Variants in SFXN3 observed in about 807,000 individuals in gnomAD.
SFXN3 encodes sideroflexin 3, also known as sideroflexin-3.
SFXN3 carries 31 observed loss-of-function variants against 40.4 expected under a neutral mutation model. The observed-to-expected ratio is 0.77, with a 90% CI of 0.58 to 1.04. The LOEUF (loss-of-function observed/expected upper bound fraction) is 1.04, where lower values mean the gene tolerates loss of function less well. Ranked by LOEUF, SFXN3 falls within the 50% of genes least tolerant of loss-of-function variation. SFXN3 has a pLI of 0.00. For synonymous variants in SFXN3, 157 were observed against 160.0 expected (o/e 0.98, Z 0.14); for missense variants, 366 against 408.2 (o/e 0.90, Z 0.89).
At position 101,032,343 on chromosome 10, in the gene SFXN3, G is replaced by C; in HGVS notation, c.-143G>C. On this transcript the variant is annotated 5_prime_UTR_variant, in exon 2 of 12. Transcript: ENST00000393459. ...TGCCAATCCCCGTGCCCACCGGGTGGGCGCGGCCGGGAAGCTCCTGCCCCT... is the reference window on the plus strand; with the variant it reads ...TGCCAATCCCCGTGCCCACCGGGTGCGCGCGGCCGGGAAGCTCCTGCCCCT... The C allele has an allele frequency of 2.6e-6, 3 of 1,154,816 alleles. No homozygotes were observed. In the South Asian group the frequency reaches 5.2e-5, roughly 20 times the overall value. The allele number at this position is 1,154,816 out of a possible 1,614,324, so 71.5% of individuals were successfully genotyped here.
chr10:101,033,658 T>C (rs1214352451), intron 2 of SFXN3, among the ~76,000 whole-genome samples: 2 of 152,294 alleles, frequency 1.3e-5, no homozygotes, highest in African/African-American at 4.8e-5. Flanking sequence ...GGGACCGGCG[T>C]TCAGCATACC....
chr10:101,037,565 C>G lies in SFXN3; in HGVS notation c.771+134C>G, dbSNP rs143104979. The G allele has an allele frequency of 4.4e-6, 7 of 1,574,414 alleles. No homozygotes were observed. The East Asian group carries it at 1.6e-4, about 36-fold the overall frequency. On this transcript the variant is annotated intron_variant, in intron 9 of 11. Transcript: ENST00000393459. ...TCTCCTGACCCCTGCACCGCCTCCTCCACCTTCGTTCATTCAGCAAGAATG... is the reference window on the plus strand; with the variant it reads ...TCTCCTGACCCCTGCACCGCCTCCTGCACCTTCGTTCATTCAGCAAGAATG...
At position 101,036,249 on chromosome 10, in the gene SFXN3, C is replaced by A; in HGVS notation, c.431+148C>A. The A allele has an allele frequency of 1.3e-6, 1 of 775,058 alleles. No homozygotes were observed. The highest frequency in any genetic ancestry group is 2.1e-6 in the Non-Finnish European group (1 of 466,570). The allele number at this position is 775,058 out of a possible 1,614,324, so 48.0% of individuals were successfully genotyped here. ...CCTCAGCCTGCCCCACCCCGAATTA[C>A]CCTGCCTAACTGAAGGCATGAGGTC... On this transcript the variant is annotated intron_variant, in intron 5 of 11. Transcript: ENST00000393459. The surrounding 1 kb of genome is among the most constrained non-coding windows in gnomAD (Gnocchi z 4.2).
chr10:101,039,653 T>C lies in SFXN3; in HGVS notation c.*68T>C, dbSNP rs1938806656. 1 of 1,472,070 alleles carries C rather than the reference T, an allele frequency of 6.8e-7. No homozygotes were observed. The highest frequency in any genetic ancestry group is 9.5e-7 in the Non-Finnish European group (1 of 1,051,528). The allele number at this position is 1,472,070 out of a possible 1,614,324, so 91.2% of individuals were successfully genotyped here. Reference sequence around the variant, plus strand: ...TGCTTTAGTGGAGTCATGTCACCCCTACCACTTGGCTATCTGCCTAGCACT... The same window carrying C: ...TGCTTTAGTGGAGTCATGTCACCCCCACCACTTGGCTATCTGCCTAGCACT... On this transcript the variant is annotated 3_prime_UTR_variant, in exon 12 of 12. Transcript: ENST00000393459. This position sits in a 1 kb window ranked among gnomAD's most constrained non-coding sequence, Gnocchi z 4.6.
chr10:101,040,924 C>T (rs1300155109), exon 12 of SFXN3: 1 of 152,274 alleles, frequency 6.6e-6, no homozygotes, highest in Non-Finnish European at 1.5e-5. Context: ...AAACCCCCAC[C>T]TTAACCTCTT....
In SFXN3 at chr10:101,036,959, G is replaced by A; in HGVS notation, c.594-117G>A. Reference sequence around the variant, plus strand: ...GTCTGACCCTGGGATCCTCAGGTGGGAGAACCAGCCTTTGAGCCTGGGGTG... The same window carrying A: ...GTCTGACCCTGGGATCCTCAGGTGGAAGAACCAGCCTTTGAGCCTGGGGTG... On this transcript the variant is annotated intron_variant, in intron 7 of 11. Coordinates refer to ENST00000393459, the Ensembl canonical transcript of SFXN3. This position sits in a 1 kb window ranked among gnomAD's most constrained non-coding sequence, Gnocchi z 4.2. 6.5e-7 allele frequency: 1 copy of A among 1,527,276 alleles called. No individual in the cohort carries two copies. Among genetic ancestry groups the A allele is most frequent in the Non-Finnish European group, 8.8e-7 (1 of 1,133,518 alleles). The allele number at this position is 1,527,276 out of a possible 1,614,324, so 94.6% of individuals were successfully genotyped here.
At chr10:101,032,620 T>C (rs748730849) in intron 2 of SFXN3, 138 bp downstream of exon 2, 1 of 1,008,304 alleles carries the variant, frequency 9.9e-7, no homozygotes, top group Non-Finnish European at 1.4e-6. Flanking sequence ...ACAAGGGAGG[T>C]TGGGGGGAGG....
chr10:101,037,676 C>T, intron 9 of SFXN3: 1 of 1,420,126 alleles, frequency 7.0e-7, no homozygotes, highest in Non-Finnish European at 9.2e-7. Context: ...ACTCCAGTGG[C>T]TTCTGACACA....
chr10:101,037,514 C>A, intron 9 of SFXN3, 83 bp downstream of exon 9: 2 of 1,612,732 alleles, frequency 1.2e-6, no homozygotes, highest in South Asian at 2.2e-5. Context: ...CCAGCCTCGC[C>A]TGATTCTCTA....
intron 10 of SFXN3, among the ~76,000 whole-genome samples, chr10:101,038,907 T>A (rs1470478893): frequency 6.6e-6 from 1 of 152,140 alleles, no homozygotes; most frequent in Non-Finnish European, 1.5e-5. Flanking sequence ...CCAGTCTTCA[T>A]CTATAAGAGG....
At chr10:101,035,852 G>A in intron 4 of SFXN3, 151 bp from the exon 5 acceptor site, 3 of 1,102,796 alleles carry the variant, frequency 2.7e-6, no homozygotes, top group Admixed American at 2.0e-5. Context: ...ATAAATGGGG[G>A]TGGGGGTACA....
chr10:101,035,891 C>G (rs1205016001), intron 4 of SFXN3, 112 bp from the exon 5 acceptor site: 10 of 1,178,396 alleles, frequency 8.5e-6, no homozygotes, highest in African/African-American at 4.5e-5. Context: ...GTTCTAGGGC[C>G]ATTAACTGGG....
In SFXN3 at chr10:101,039,587, G is replaced by A. The variant is rs569486899; in HGVS notation, c.*2G>A. ...GTCTACTACAACAAGGGGCTTTGAG[G>A]AGGGTCAGCCTCTGTCCCCTCCCTC... is the stretch of plus-strand genomic sequence containing the variant. On this transcript the variant is annotated 3_prime_UTR_variant, in exon 12 of 12. Coordinates refer to ENST00000393459, the Ensembl canonical transcript of SFXN3. This position sits in a 1 kb window ranked among gnomAD's most constrained non-coding sequence, Gnocchi z 4.6. The A allele has an allele frequency of 2.5e-6, 4 of 1,613,828 alleles. No homozygotes were observed. Among genetic ancestry groups the A allele is most frequent in the Non-Finnish European group, 3.4e-6 (4 of 1,179,816 alleles).
At position 101,039,192 on chromosome 10, in the gene SFXN3, C is replaced by A; in HGVS notation, c.839C>A (p.Pro280His). 1 of 1,611,302 alleles carries A rather than the reference C, an allele frequency of 6.2e-7. No homozygotes were observed. The highest frequency in any genetic ancestry group is 8.5e-7 in the Non-Finnish European group (1 of 1,178,458). ...TCCCCCAGCCTGGTATTTGCAACCC[C>A]CCTGTGCTGTGCCCTATTCCCCCAG... The change falls in exon 11 of 12, where the codon CCC (proline) becomes CAC (histidine). Residue 280 changes from proline to histidine, a missense_variant. Coordinates refer to ENST00000393459, the Ensembl canonical transcript of SFXN3. The surrounding 1 kb of genome is among the most constrained non-coding windows in gnomAD (Gnocchi z 4.6).
In SFXN3 at chr10:101,036,386, T is replaced by G; in HGVS notation, c.432-100T>G. The G allele has an allele frequency of 8.6e-7, 1 of 1,164,958 alleles. No homozygotes were observed. The highest frequency in any genetic ancestry group is 1.5e-5 in the African/African-American group (1 of 65,362). 72.2% of individuals were successfully genotyped at this position (1,164,958 alleles called of 1,614,324 possible). Reference sequence around the variant, plus strand: ...GGCTTCTTCTGCAAGGAGCTTCCCCTTTTATGCCTCATGTATTGAGGACTT... The same window carrying G: ...GGCTTCTTCTGCAAGGAGCTTCCCCGTTTATGCCTCATGTATTGAGGACTT... On this transcript the variant is annotated intron_variant, in intron 5 of 11. Coordinates refer to ENST00000393459, the Ensembl canonical transcript of SFXN3. This position sits in a 1 kb window ranked among gnomAD's most constrained non-coding sequence, Gnocchi z 4.2.
chr10:101,037,947 A>G (rs1938700578), intron 9 of SFXN3: 2 of 718,522 alleles, frequency 2.8e-6, no homozygotes, highest in South Asian at 5.7e-5. Context: ...CATGAAGTTT[A>G]TAGTCTGATG....
chr10:101,033,445 T>C (rs997523321), intron 2 of SFXN3, among the ~76,000 whole-genome samples: 3 of 152,160 alleles, frequency 2.0e-5, no homozygotes, highest in Non-Finnish European at 4.4e-5. Context: ...TGGTCTTCCC[T>C]TCCCCCTCCT....
rs1016220336 is a variant in SFXN3, at chr10:101,036,425, A to G, written c.432-61A>G. On this transcript the variant is annotated intron_variant, in intron 5 of 11. Transcript: ENST00000393459. This position sits in a 1 kb window ranked among gnomAD's most constrained non-coding sequence, Gnocchi z 4.2. ...TATTGAGGACTTGGCATATCCCTAA[A>G]GGAAAGGGCCACCTGCTGGACTTGT... is the stretch of plus-strand genomic sequence containing the variant. The G allele has an allele frequency of 3.9e-6, 6 of 1,542,986 alleles. No homozygotes were observed. The African/African-American group carries it at 6.8e-5, about 18-fold the overall frequency.
At chr10:101,034,601 C>T in intron 2 of SFXN3, 91 bp from the exon 3 acceptor site, 1 of 1,408,080 alleles carries the variant, frequency 7.1e-7, no homozygotes, top group Non-Finnish European at 9.8e-7. Flanking sequence ...ATGATAAGCT[C>T]AGGGGCCAGG....
Sources: allele counts gnomAD v4.1 joint callset (sites outside exome capture counted in the v4.1 genomes callset), GRCh38; gene constraint gnomAD v4.1.1; non-coding constraint Gnocchi (gnomAD v3.1); transcripts MANE v1.5; gene names NCBI Gene and HGNC (gene_info 2026-07-23, HGNC 2026-07-21).